Variants in COL25A1 observed in about 807,000 individuals in gnomAD.
COL25A1 encodes collagen type XXV alpha 1 chain.
A neutral mutation model predicts 128.4 loss-of-function variants in COL25A1; 103 were observed. The observed-to-expected ratio is 0.80, with a 90% CI of 0.68 to 0.94. The LOEUF (loss-of-function observed/expected upper bound fraction) is 0.94. COL25A1 is among the 40% of genes least tolerant of loss of function. The probability of loss-of-function intolerance (pLI) is 0.00; values close to 1 mark genes in which losing one functional copy is unlikely to be tolerated. For synonymous variants in COL25A1, 279 were observed against 277.2 expected (o/e 1.01, Z -0.06); for missense variants, 745 against 840.0 (o/e 0.89, Z 1.40).
intron 20 of COL25A1, among the ~76,000 whole-genome samples, chr4:108,864,657 C>A (rs1737666867): frequency 6.6e-6 from 1 of 152,114 alleles, no homozygotes. Context: ...GAAGGGGAAT[C>A]CCTGTTGGTA....
intron 31 of COL25A1, among the ~76,000 whole-genome samples, chr4:108,833,318 A>G (rs1477899492): frequency 3.3e-5 from 5 of 152,172 alleles, no homozygotes; most frequent in Non-Finnish European, 5.9e-5. Flanking sequence ...TACAACTCAC[A>G]AACCAGGCAG....
intron 3 of COL25A1, among the ~76,000 whole-genome samples, chr4:109,270,257 T>G (rs1183942510): frequency 6.6e-6 from 1 of 152,012 alleles, no homozygotes; most frequent in African/African-American, 2.4e-5. Context: ...GGGTATTCAA[T>G]TAGGAAAAGA....
At position 109,019,375 on chromosome 4, in the gene COL25A1, C is replaced by CACATATATATATATATAT. The variant is rs1338511772; in HGVS notation, c.421-9001_421-9000insATATATATATATATATGT. ...ACACACACACACACACACACACACA[C>CACATATATATATATATAT]ATATATATATATATATATATATATT... is the stretch of plus-strand genomic sequence containing the variant. On this transcript the variant is annotated intron_variant, in intron 5 of 37. Coordinates refer to ENST00000399132, the MANE Select transcript of COL25A1 (RefSeq NM_198721.4). Among the ~76,000 whole-genome samples, 257 of 48,692 alleles carry CACATATATATATATATAT rather than the reference C, an allele frequency of 5.3e-3. 1 individual carries two copies. Among genetic ancestry groups the CACATATATATATATATAT allele is most frequent in the Middle Eastern group, 0.011 (1 of 88 alleles). The allele number at this position is 48,692 out of a possible 152,430, so 31.9% of individuals were successfully genotyped here. A position where few individuals can be genotyped will look rare whatever the true frequency, so the allele number is the denominator to read the frequency against.
chr4:108,879,807 TTTTA>T (rs1305454591), intron 19 of COL25A1, among the ~76,000 whole-genome samples: 1 of 151,506 alleles, frequency 6.6e-6, no homozygotes, highest in African/African-American at 2.4e-5. Flanking sequence ...ATTTATTTAT[TTTTA>T]TTTATTTATT....
intron 3 of COL25A1, among the ~76,000 whole-genome samples, chr4:109,094,375 CACTT>C (rs1440189245): frequency 5.9e-5 from 9 of 152,298 alleles, no homozygotes; most frequent in South Asian, 4.2e-4. Context: ...GCTTGGCAGA[CACTT>C]AGCCCCATCA....
At chr4:109,217,696 G>C (rs1372941220) in intron 3 of COL25A1, among the ~76,000 whole-genome samples, 1 of 152,108 alleles carries the variant, frequency 6.6e-6, no homozygotes, top group African/African-American at 2.4e-5. Context: ...TGTGGATCAC[G>C]TTTGAGTCCC....
At chr4:109,260,651 A>G (rs1781383235) in intron 3 of COL25A1, among the ~76,000 whole-genome samples, 1 of 152,090 alleles carries the variant, frequency 6.6e-6, no homozygotes. Flanking sequence ...GCATACCACC[A>G]TGCCCAGCTA....
Position 109,178,835 on chromosome 4 carries a change from C to CAAAA in COL25A1, c.367+121744_367+121747dup, listed in dbSNP as rs34132262. ...GGGCAACAGAGCAAGACTCCATCTC[C>CAAAA]AAAAAAAAAAAAAAAAAAAAAAAAA... On this transcript the variant is annotated intron_variant, in intron 3 of 37. Transcript: ENST00000399132. Among the ~76,000 whole-genome samples the CAAAA allele has an allele frequency of 6.4e-3, 302 of 47,500 alleles. 5 individuals are homozygous for CAAAA. The highest frequency in any genetic ancestry group is 0.017 in the African/African-American group (186 of 10,684). 31.2% of individuals were successfully genotyped at this position (47,500 alleles called of 152,430 possible).
chr4:108,881,275 C>T (rs2125830298), intron 19 of COL25A1, among the ~76,000 whole-genome samples: 1 of 152,248 alleles, frequency 6.6e-6, no homozygotes, highest in South Asian at 2.1e-4. Flanking sequence ...AGGCACTTGG[C>T]TCATTTCCTG....
chr4:109,292,374 A>G (rs1480504423), intron 3 of COL25A1, among the ~76,000 whole-genome samples: 2 of 152,108 alleles, frequency 1.3e-5, no homozygotes, highest in African/African-American at 2.4e-5. Context: ...AAGTTCTCAG[A>G]GAAAATGTTT....
At chr4:109,228,238 A>C (rs1778935686) in intron 3 of COL25A1, among the ~76,000 whole-genome samples, 1 of 152,088 alleles carries the variant, frequency 6.6e-6, no homozygotes, top group African/African-American at 2.4e-5. Context: ...CACCTAAAAT[A>C]ATGCTCTACC....
In COL25A1 at chr4:108,867,332, G is replaced by A. The variant is rs576773767; in HGVS notation, c.1083+1756C>T. On this transcript the variant is annotated intron_variant, in intron 20 of 37. Transcript: ENST00000399132. ...GACTTCTTTCCTGCCCTGGGTCCGA[G>A]GCTGCAAGCCTGAATAAATGCAACC... 3.9e-5 allele frequency among the ~76,000 whole-genome samples: 6 copies of A among 152,268 alleles called. 1 individual carries two copies. The South Asian group carries it at 1.2e-3, about 32-fold the overall frequency.
chr4:109,060,777 C>T (rs536205800), intron 3 of COL25A1, among the ~76,000 whole-genome samples: 185 of 151,626 alleles, frequency 1.2e-3, no homozygotes, highest in Non-Finnish European at 2.3e-3. Context: ...ATTTTTCATT[C>T]GCCCGAGCTT....
chr4:108,929,294 T>C (rs1746446989), intron 11 of COL25A1, among the ~76,000 whole-genome samples: 1 of 151,982 alleles, frequency 6.6e-6, no homozygotes, highest in Admixed American at 6.6e-5. Flanking sequence ...TGCTAATTTT[T>C]TCTATTTTTA....
At chr4:108,967,121 T>C (rs569477120) in intron 8 of COL25A1, among the ~76,000 whole-genome samples, 1 of 152,284 alleles carries the variant, frequency 6.6e-6, no homozygotes, top group Non-Finnish European at 1.5e-5. Context: ...GGACAAAATA[T>C]TTAAATTTTC....
intron 3 of COL25A1, among the ~76,000 whole-genome samples, chr4:109,265,916 T>G: frequency 6.6e-6 from 1 of 152,182 alleles, no homozygotes; most frequent in Non-Finnish European, 1.5e-5. Flanking sequence ...AGCCCTTTCT[T>G]TGGATTCCTC....
At chr4:109,290,926 T>A (rs1347159546) in intron 3 of COL25A1, among the ~76,000 whole-genome samples, 2 of 152,154 alleles carry the variant, frequency 1.3e-5, no homozygotes, top group African/African-American at 2.4e-5. Flanking sequence ...AACTTTCCTA[T>A]CTTTGTTGCT....
At chr4:108,998,824 C>G (rs6533398) in intron 6 of COL25A1, among the ~76,000 whole-genome samples, 1 of 151,566 alleles carries the variant, frequency 6.6e-6, no homozygotes, top group Non-Finnish European at 1.5e-5. Flanking sequence ...ATCTACAACC[C>G]TCTGATCTTT....
intron 3 of COL25A1, among the ~76,000 whole-genome samples, chr4:109,094,540 T>A (rs79776542): frequency 0.024 from 3,725 of 152,332 alleles, 172 homozygotes; most frequent in African/African-American, 0.084. Context: ...AACTTAGGAA[T>A]CGTCTACCCC....
Sources: gnomAD v4.1 joint callset for allele counts (sites outside exome capture counted in the v4.1 genomes callset) on GRCh38, gnomAD v4.1.1 for gene constraint, MANE v1.5 for transcripts, NCBI Gene and HGNC (gene_info 2026-07-23, HGNC 2026-07-21) for gene names.